Variants in CMKLR2 observed in about 807,000 individuals in gnomAD.
The protein encoded by CMKLR2 is chemerin chemokine-like receptor 2.
A neutral mutation model predicts 23.0 loss-of-function variants in CMKLR2; 18 were observed. The ratio of observed to expected loss-of-function variants is 0.78; its 90% CI spans 0.54 to 1.16. The LOEUF (loss-of-function observed/expected upper bound fraction) is 1.16. Among genes scored for constraint, CMKLR2 ranks in the 50% most tolerant of loss-of-function variants. The probability of loss-of-function intolerance (pLI) is 0.00; values close to 1 mark genes in which losing one functional copy is unlikely to be tolerated. For synonymous variants in CMKLR2, 158 were observed against 158.9 expected (o/e 0.99, Z 0.05); for missense variants, 401 against 412.7 (o/e 0.97, Z 0.25).
In CMKLR2 at chr2:206,209,811, G is replaced by A. The variant is rs61278166; in HGVS notation, c.-29+3496C>T. On this transcript the variant is annotated intron_variant, in intron 1 of 1. Transcript: ENST00000621141. ...CTACAGGCGCCCGCCACGATGCCCG[G>A]CTAATTTTTTGTATTTTTAGTAGAG... Among the ~76,000 whole-genome samples, 195 of 151,320 alleles carry A rather than the reference G, an allele frequency of 1.3e-3. 6 individuals are homozygous for A. The East Asian group carries it at 0.035, about 27-fold the overall frequency.
chr2:206,213,018 A>C (rs879672659), intron 1 of CMKLR2, among the ~76,000 whole-genome samples: 4 of 152,206 alleles, frequency 2.6e-5, no homozygotes, highest in Admixed American at 1.3e-4. Flanking sequence ...AATTACTGAA[A>C]GTTCTTTGTC....
intron 1 of CMKLR2, among the ~76,000 whole-genome samples, chr2:206,190,390 G>A (rs1277595945): frequency 6.6e-6 from 1 of 152,170 alleles, no homozygotes; most frequent in Non-Finnish European, 1.5e-5. Context: ...ATTTGTTTTT[G>A]TAAAGATCAT....
At position 206,213,346 on chromosome 2, in the gene CMKLR2, T is replaced by A. The variant is rs1689638874; in HGVS notation, c.-68A>T. ...TGAGGAGAGAAGCTATTGTCATGCC[T>A]GGGTGTACCTTCCCGGTTCCAGAAT... On this transcript the variant is annotated 5_prime_UTR_variant, in exon 1 of 2. Coordinates refer to ENST00000621141, the MANE Select transcript of CMKLR2 (RefSeq NM_001389445.1). The A allele has an allele frequency of 6.6e-6, 1 of 152,212 alleles. No homozygotes were observed. The highest frequency in any genetic ancestry group is 1.5e-5 in the Non-Finnish European group (1 of 68,038). The allele number at this position is 152,212 out of a possible 1,614,324, so 9.4% of individuals were successfully genotyped here. A position where few individuals can be genotyped will look rare whatever the true frequency, so the allele number is the denominator to read the frequency against.
intron 1 of CMKLR2, among the ~76,000 whole-genome samples, chr2:206,191,625 A>G (rs1559089219): frequency 6.6e-6 from 1 of 151,914 alleles, no homozygotes; most frequent in Non-Finnish European, 1.5e-5. Flanking sequence ...GAGTGGTGAG[A>G]AAATATTATA....
chr2:206,210,112 C>T (rs1312113829), intron 1 of CMKLR2, among the ~76,000 whole-genome samples: 2 of 151,612 alleles, frequency 1.3e-5, no homozygotes, highest in African/African-American at 2.4e-5. Context: ...TACAGGTGTG[C>T]GCCACCATGA....
At chr2:206,203,527 T>G (rs1009538304) in intron 1 of CMKLR2, 4 of 152,260 alleles carry the variant, frequency 2.6e-5, no homozygotes, top group African/African-American at 9.6e-5. Context: ...AAACCAGAGC[T>G]TCCGGTCTGG....
At position 206,177,185 on chromosome 2, in the gene CMKLR2, A is replaced by G. The variant is rs201121378; in HGVS notation, c.63T>C (p.Tyr21=). 189 of 1,613,972 alleles carry G rather than the reference A, an allele frequency of 1.2e-4. No homozygotes were observed. In the Admixed American group the frequency reaches 1.4e-3, roughly 12 times the overall value. ...CCTCCAAATCAGACTCCAGAGAGTA[A>G]TAGTCTAGGTCATAGGAATAGTTTT... ...EFENYSYDLD[Y]YSLESDLEEK... is the part of the protein sequence containing the mutation. The change falls in exon 2 of 2, where the codon TAT becomes TAC. Residue 21 remains tyrosine (Y), a synonymous_variant. Transcript: ENST00000621141.
intron 1 of CMKLR2, among the ~76,000 whole-genome samples, chr2:206,210,516 T>C (rs1342774106): frequency 6.6e-6 from 1 of 151,784 alleles, no homozygotes; most frequent in East Asian, 1.9e-4. Flanking sequence ...TGGAGTGCAA[T>C]GGCACAATCT....
At position 206,176,124 on chromosome 2, in the gene CMKLR2, ATCAG is replaced by A. The variant is rs1157358366; in HGVS notation, c.*52_*55del. The A allele has an allele frequency of 1.6e-6, 2 of 1,239,210 alleles. No individual in the cohort carries two copies. Among genetic ancestry groups the A allele is most frequent in the Non-Finnish European group, 2.3e-6 (2 of 884,764 alleles). 76.8% of individuals were successfully genotyped at this position (1,239,210 alleles called of 1,614,324 possible). A position where few individuals can be genotyped will look rare whatever the true frequency, so the allele number is the denominator to read the frequency against. ...TTGGAAACAATTTTAATCTGAAAGC[ATCAG>A]TCAGAGGACCCACATAAAAAGCCAT... On this transcript the variant is annotated 3_prime_UTR_variant, in exon 2 of 2. Coordinates refer to ENST00000621141, the MANE Select transcript of CMKLR2 (RefSeq NM_001389445.1).
rs1320918560 is a variant in CMKLR2 at position 206,176,364 on chromosome 2, A to G, written c.884T>C (p.Leu295Pro). 1.2e-6 allele frequency: 2 copies of G among 1,614,162 alleles called. No homozygotes were observed. Among genetic ancestry groups the G allele is most frequent in the South Asian group, 2.2e-5 (2 of 91,082 alleles). The change falls in exon 2 of 2, where the codon CTC becomes CCC. Residue 295 changes from leucine (L) to proline (P), a missense_variant. Leu to Pro is a moderately conservative substitution (Grantham distance 98). Coordinates refer to ENST00000621141, the MANE Select transcript of CMKLR2 (RefSeq NM_001389445.1). Reference sequence around the variant, plus strand: ...AAGGATGGGGTTCAAGCAACTATTGAGGAATGCCAAACCAGTGGAGAGGGG... The same window carrying G: ...AAGGATGGGGTTCAAGCAACTATTGGGGAATGCCAAACCAGTGGAGAGGGG... ...GIPLSTGLAFLNSCLNPILYV... is the reference protein window; with the variant it reads ...GIPLSTGLAFPNSCLNPILYV...
At chr2:206,179,760 TG>T (rs1486520249) in intron 1 of CMKLR2, among the ~76,000 whole-genome samples, 2 of 152,198 alleles carry the variant, frequency 1.3e-5, no homozygotes, top group African/African-American at 4.8e-5. Flanking sequence ...TATTTCTATC[TG>T]TAGTATTGAA....
Position 206,207,728 on chromosome 2 carries a change from C to CTTTTTTTTTTTTTTTTTTTT in CMKLR2, c.-29+5559_-29+5578dup, listed in dbSNP as rs71034423. Among the ~76,000 whole-genome samples the CTTTTTTTTTTTTTTTTTTTT allele has an allele frequency of 9.4e-4, 41 of 43,574 alleles. 11 individuals carry two copies. Among genetic ancestry groups the CTTTTTTTTTTTTTTTTTTTT allele is most frequent in the South Asian group, 3.0e-3 (2 of 666 alleles). The allele number at this position is 43,574 out of a possible 152,430, so 28.6% of individuals were successfully genotyped here. ...ATCTGGGTCTGTCTGACCTCAGGGC[C>CTTTTTTTTTTTTTTTTTTTT]TTTTTTTTTTTTTTTTTTTTTTTTT... On this transcript the variant is annotated intron_variant, in intron 1 of 1. Transcript: ENST00000621141.
chr2:206,196,799 G>C (rs1476340638), intron 1 of CMKLR2, among the ~76,000 whole-genome samples: 1 of 152,146 alleles, frequency 6.6e-6, no homozygotes, highest in Non-Finnish European at 1.5e-5. Context: ...AGTCACTGCA[G>C]GATGACTTTA....
chr2:206,190,809 A>G (rs1688725720), intron 1 of CMKLR2, among the ~76,000 whole-genome samples: 1 of 152,220 alleles, frequency 6.6e-6, no homozygotes. Flanking sequence ...TCTTGTCATA[A>G]AAGGCATTTG....
At chr2:206,202,887 T>C (rs988086574) in intron 1 of CMKLR2, among the ~76,000 whole-genome samples, 5 of 151,850 alleles carry the variant, frequency 3.3e-5, no homozygotes, top group Admixed American at 2.6e-4. Flanking sequence ...CTCCAGCGCG[T>C]TTCCTTTCCT....
At chr2:206,200,762 A>G (rs1417456241) in intron 1 of CMKLR2, among the ~76,000 whole-genome samples, 1 of 152,164 alleles carries the variant, frequency 6.6e-6, no homozygotes, top group East Asian at 1.9e-4. Flanking sequence ...CGTACCTAAT[A>G]GGCAGTTTAT....
At chr2:206,216,422 C>G (rs1185624857), upstream of CMKLR2, among the ~76,000 whole-genome samples, 1 of 152,164 alleles carries the variant, frequency 6.6e-6, no homozygotes, top group African/African-American at 2.4e-5. Flanking sequence ...CCACTGCACT[C>G]CAGTCTGGGC....
intron 1 of CMKLR2, among the ~76,000 whole-genome samples, chr2:206,210,781 G>A (rs985067259): frequency 6.6e-6 from 1 of 151,976 alleles, no homozygotes; most frequent in Admixed American, 6.6e-5. Context: ...ATTTTTATAT[G>A]GCACAACTGA....
At chr2:206,195,520 G>A (rs1030832764) in intron 1 of CMKLR2, among the ~76,000 whole-genome samples, 1 of 152,170 alleles carries the variant, frequency 6.6e-6, no homozygotes, top group Non-Finnish European at 1.5e-5. Context: ...TACTCCAGAA[G>A]GCACTGACTC....
Sources: gnomAD v4.1 joint callset for allele counts (sites outside exome capture counted in the v4.1 genomes callset) on GRCh38, gnomAD v4.1.1 for gene constraint, MANE v1.5 for transcripts, NCBI Gene and HGNC (gene_info 2026-07-23, HGNC 2026-07-21) for gene names.